ITPRID2: variants seen among roughly 807,000 people sequenced by gnomAD.
The protein encoded by ITPRID2 is protein ITPRID2.
In ITPRID2, 60 loss-of-function variants were observed where a neutral mutation model predicts 124.3. The observed-to-expected ratio is 0.48, with a 90% CI of 0.39 to 0.60. ITPRID2 has a LOEUF of 0.60. Ranked by LOEUF, ITPRID2 falls within the 20% of genes least tolerant of loss-of-function variation. The pLI, the probability that ITPRID2 is intolerant of heterozygous loss-of-function variation, is 0.00. For missense variants in ITPRID2, 1,553 were observed against 1,512.2 expected, an observed-to-expected ratio of 1.03 and a Z score of -0.45; for synonymous variants, 521 against 542.9, an observed-to-expected ratio of 0.96 and a Z score of 0.56.
At chr2:181,915,033 A>G (rs1693915851) in intron 10 of ITPRID2, among the ~76,000 whole-genome samples, 183 bp from the exon 11 acceptor site, 1 of 152,188 alleles carries the variant, frequency 6.6e-6, no homozygotes, top group Non-Finnish European at 1.5e-5. Flanking sequence ...AATCTTTGTG[A>G]GAAAGTGAGA....
intron 11 of ITPRID2, chr2:181,916,982 C>T: frequency 3.0e-6 from 3 of 986,080 alleles, no homozygotes; most frequent in Non-Finnish European, 3.6e-6. Context: ...TGGAACTACT[C>T]CAGACCAGAA....
At position 181,920,617 on chromosome 2, in the gene ITPRID2, C is replaced by G; in HGVS notation, c.3165C>G (p.Ser1055Arg). Residue 1055 changes from serine to arginine, a missense_variant, in exon 15 of 18, where the codon AGC becomes AGG. Physicochemically the swap from Ser to Arg is moderately radical, Grantham distance 110 (BLOSUM62 -1). Transcript: ENST00000431877. ...TTCAGGGAATGTGTGGCAGTAGAAG[C>G]GCTGATAACTTGTCATGCCCTTCTC... The part of the protein sequence containing the change: ...SALMGMCGSR[S>R]ADNLSCPSPL... The G allele has an allele frequency of 6.2e-7, 1 of 1,613,252 alleles. No homozygotes were observed. Among genetic ancestry groups the G allele is most frequent in the Non-Finnish European group, 8.5e-7 (1 of 1,179,528 alleles).
intron 17 of ITPRID2, among the ~76,000 whole-genome samples, chr2:181,929,077 G>A (rs1266227784): frequency 6.6e-6 from 1 of 151,366 alleles, no homozygotes; most frequent in African/African-American, 2.4e-5. Flanking sequence ...TTATCTCGTA[G>A]CTCTAATTAC....
intron 16 of ITPRID2, among the ~76,000 whole-genome samples, chr2:181,922,795 G>A (rs1465583137): frequency 1.3e-5 from 2 of 152,116 alleles, no homozygotes; most frequent in Non-Finnish European, 2.9e-5. Flanking sequence ...GGTGGCATGT[G>A]CCTGTAGTCC....
chr2:181,909,239 T>C (rs1184539587), intron 8 of ITPRID2, among the ~76,000 whole-genome samples: 4 of 152,216 alleles, frequency 2.6e-5, no homozygotes, highest in Admixed American at 6.5e-5. Context: ...TCCCAAGTTA[T>C]GTCTTGAAAG....
Position 181,910,024 on chromosome 2 carries a change from TTTGGA to T in ITPRID2, c.1486+54_1486+58del. 1.4e-6 allele frequency: 2 copies of T among 1,412,152 alleles called. No individual in the cohort carries two copies. The highest frequency in any genetic ancestry group is 2.0e-6 in the Non-Finnish European group (2 of 1,003,572). 87.5% of individuals were successfully genotyped at this position (1,412,152 alleles called of 1,614,324 possible). A position where few individuals can be genotyped will look rare whatever the true frequency, so the allele number is the denominator to read the frequency against. ...GAGCACATTATCAAATATTAGTTGA[TTTGGA>T]AAAGGGGTTTTATGTATCAGTATTT... On this transcript the variant is annotated intron_variant, in intron 9 of 17. Coordinates refer to ENST00000431877, the MANE Select transcript of ITPRID2 (RefSeq NM_001130445.3). The surrounding 1 kb of genome is among the most constrained non-coding windows in gnomAD (Gnocchi z 4.1).
intron 13 of ITPRID2, 110 bp downstream of exon 13, chr2:181,918,992 C>T: frequency 1.4e-6 from 2 of 1,392,710 alleles, no homozygotes; most frequent in Non-Finnish European, 1.9e-6. Flanking sequence ...TACCTTGTAT[C>T]TGTTTTGTGA....
In ITPRID2 at chr2:181,916,328, C is replaced by T; in HGVS notation, c.2688C>T (p.Tyr896=). ...GCPYSHRHAT[Y]PYRVCSVNPP... is the part of the protein sequence containing the mutation. Reference sequence around the variant, plus strand: ...CTTACTCACATAGACATGCCACCTACCCTTACCGAGTGTGCTCTGTGAATC... The same window carrying T: ...CTTACTCACATAGACATGCCACCTATCCTTACCGAGTGTGCTCTGTGAATC... The change falls in exon 11 of 18, where the codon TAC becomes TAT. Residue 896 remains tyrosine, a synonymous_variant. Transcript: ENST00000431877. 6.2e-7 allele frequency: 1 copy of T among 1,614,206 alleles called. No homozygotes were observed. The highest frequency in any genetic ancestry group is 8.5e-7 in the Non-Finnish European group (1 of 1,180,040).
chr2:181,906,634 A>C (rs560727702), intron 8 of ITPRID2, among the ~76,000 whole-genome samples: 60 of 152,036 alleles, frequency 3.9e-4, no homozygotes, highest in Non-Finnish European at 7.9e-4. Context: ...CACTTCTCCA[A>C]AGGCTGAGGT....
chr2:181,928,137 TG>T, intron 16 of ITPRID2, 23 bp from the exon 17 acceptor site: 1 of 1,437,328 alleles, frequency 7.0e-7, no homozygotes, highest in Non-Finnish European at 9.4e-7. Flanking sequence ...GGTAAATTTT[TG>T]TTTTATTGTT....
rs1189245417 is a variant in ITPRID2, at chr2:181,930,395, T to G, written c.*848T>G. On this transcript the variant is annotated 3_prime_UTR_variant, in exon 18 of 18. Coordinates refer to ENST00000431877, the MANE Select transcript of ITPRID2 (RefSeq NM_001130445.3). ...TTTTTCAAAATGGAAGTAATTTAGATTTGTTCTCCTCATACATAAAATGAT... is the reference window on the plus strand; with the variant it reads ...TTTTTCAAAATGGAAGTAATTTAGAGTTGTTCTCCTCATACATAAAATGAT... 1.3e-5 allele frequency: 2 copies of G among 152,538 alleles called. No individual in the cohort carries two copies. The highest frequency in any genetic ancestry group is 2.9e-5 in the Non-Finnish European group (2 of 67,988). 9.4% of individuals were successfully genotyped at this position (152,538 alleles called of 1,614,324 possible).
intron 4 of ITPRID2, among the ~76,000 whole-genome samples, chr2:181,898,230 T>C (rs1692372255): frequency 6.6e-6 from 1 of 152,196 alleles, no homozygotes; most frequent in South Asian, 2.1e-4. Flanking sequence ...AAGCAATTCA[T>C]GTGTGCTGAA....
At chr2:181,926,655 G>A (rs990571539) in intron 16 of ITPRID2, among the ~76,000 whole-genome samples, 4 of 150,304 alleles carry the variant, frequency 2.7e-5, no homozygotes, top group African/African-American at 9.8e-5. Flanking sequence ...GGAGCTTGCA[G>A]TGAGCCGATA....
Position 181,915,595 on chromosome 2 carries a change from G to A in ITPRID2, c.1955G>A (p.Ser652Asn). 6.2e-7 allele frequency: 1 copy of A among 1,614,206 alleles called. No individual in the cohort carries two copies. The highest frequency in any genetic ancestry group is 8.5e-7 in the Non-Finnish European group (1 of 1,180,042). ...AGTGATGTGGGTAAAAGCAGTGAAA[G>A]TGAATTTACTCAGTATACCACACAC... is the stretch of plus-strand genomic sequence containing the variant. ...AESDVGKSSE[S>N]EFTQYTTHHI... Residue 652 changes from serine to asparagine, a missense_variant, in exon 11 of 18, where the codon AGT (serine) becomes AAT (asparagine). Ser to Asn is a conservative substitution (Grantham distance 46). Transcript: ENST00000431877.
chr2:181,896,135 C>T lies in ITPRID2; in HGVS notation c.307+56C>T. The T allele has an allele frequency of 1.4e-6, 2 of 1,462,582 alleles. No individual in the cohort carries two copies. Among genetic ancestry groups the T allele is most frequent in the South Asian group, 1.1e-5 (1 of 87,428 alleles). 90.6% of individuals were successfully genotyped at this position (1,462,582 alleles called of 1,614,324 possible). On this transcript the variant is annotated intron_variant, in intron 3 of 17. Transcript: ENST00000431877. The surrounding 1 kb of genome is among the most constrained non-coding windows in gnomAD (Gnocchi z 4.3). ...CTTTATGACAGTTCTACTTCTTTGT[C>T]CTCTGGGTAAAAGTGTATATATGAC...
intron 17 of ITPRID2, 77 bp downstream of exon 17, chr2:181,928,355 C>A: frequency 1.1e-6 from 1 of 890,698 alleles, no homozygotes; most frequent in Non-Finnish European, 1.7e-6. Context: ...TGTTAGTATA[C>A]AGGTTTGGTT....
At chr2:181,898,960 A>G in intron 5 of ITPRID2, 41 bp downstream of exon 5, 1 of 1,594,732 alleles carries the variant, frequency 6.3e-7, no homozygotes, top group Non-Finnish European at 8.6e-7. Flanking sequence ...AAAAATGAAG[A>G]CCTTTAATGA....
At chr2:181,911,487 C>T (rs567466549) in intron 9 of ITPRID2, among the ~76,000 whole-genome samples, 2 of 152,100 alleles carry the variant, frequency 1.3e-5, no homozygotes, top group Non-Finnish European at 2.9e-5. Context: ...AGAAGACATA[C>T]AATATTTTCT....
chr2:181,912,876 A>G (rs1693713406), intron 9 of ITPRID2, among the ~76,000 whole-genome samples: 1 of 152,222 alleles, frequency 6.6e-6, no homozygotes. Flanking sequence ...AAAAATAAGC[A>G]GAAAGATTTT....
Sources: gnomAD v4.1 joint callset for allele counts (sites outside exome capture counted in the v4.1 genomes callset) on GRCh38, gnomAD v4.1.1 for gene constraint, Gnocchi (gnomAD v3.1) non-coding constraint, MANE v1.5 for transcripts, NCBI Gene and HGNC (gene_info 2026-07-23, HGNC 2026-07-21) for gene names.